RBL1: variants seen among roughly 807,000 people sequenced by gnomAD.
The protein encoded by RBL1 is RB transcriptional corepressor like 1.
A neutral mutation model predicts 123.0 loss-of-function variants in RBL1; 82 were observed. That is an observed-to-expected ratio of 0.67 (90% confidence interval 0.56 to 0.80). The LOEUF (loss-of-function observed/expected upper bound fraction) is 0.80, where lower values mean the gene tolerates loss of function less well. Ranked by LOEUF, RBL1 falls within the 30% of genes least tolerant of loss-of-function variation. RBL1 has a pLI of 0.00. For synonymous variants in RBL1, 405 were observed against 441.3 expected (o/e 0.92, Z 1.03); for missense variants, 1,171 against 1,299.6 (o/e 0.90, Z 1.52).
rs188162475 is a variant in RBL1, at chr20:36,999,838, G to T, written c.3037-909C>A. Among the ~76,000 whole-genome samples the T allele has an allele frequency of 7.2e-5, 11 of 151,906 alleles. 1 individual carries two copies. Among genetic ancestry groups the T allele is most frequent in the Admixed American group, 2.0e-4 (3 of 15,258 alleles). ...GAGTGCAGTGGCGTGATCTCGGCTC[G>T]CTACAACCTCCACTTCCCAGCTGCC... On this transcript the variant is annotated intron_variant, in intron 21 of 21. Coordinates refer to ENST00000373664, the MANE Select transcript of RBL1 (RefSeq NM_002895.5).
rs548189083 is a variant in RBL1, at chr20:36,999,702, C to T, written c.3037-773G>A. Among the ~76,000 whole-genome samples the T allele has an allele frequency of 1.1e-3, 169 of 152,346 alleles. 1 individual carries two copies. The highest frequency in any genetic ancestry group is 3.8e-3 in the Admixed American group (58 of 15,302). On this transcript the variant is annotated intron_variant, in intron 21 of 21. Transcript: ENST00000373664. ...GGAGATGGGGTTTCGCTGTGTTGGC[C>T]GGGCCGGTCTCCAGCTCCTAACCGC...
intron 17 of RBL1, among the ~76,000 whole-genome samples, chr20:37,021,448 CTTT>C (rs879272660): frequency 1.4e-5 from 2 of 143,140 alleles, no homozygotes. Flanking sequence ...TTTTTTAATT[CTTT>C]TTTTTTTTTT....
At chr20:37,094,925 G>T (rs1486510388) in intron 1 of RBL1, among the ~76,000 whole-genome samples, 2 of 152,114 alleles carry the variant, frequency 1.3e-5, no homozygotes, top group African/African-American at 4.8e-5. Context: ...GGCGTGAGCC[G>T]CCACGCCCAG....
At chr20:37,027,166 C>A (rs75948581) in intron 16 of RBL1, among the ~76,000 whole-genome samples, 1,928 of 150,256 alleles carry the variant, frequency 0.013, 16 homozygotes, top group Non-Finnish European at 0.021. Flanking sequence ...GGAAACACAG[C>A]GAGACTCCAT....
intron 19 of RBL1, among the ~76,000 whole-genome samples, chr20:37,012,662 G>A (rs1261331117): frequency 1.3e-5 from 2 of 150,858 alleles, no homozygotes; most frequent in South Asian, 2.1e-4. Context: ...GAGCGTCTCC[G>A]CCCGGCAGCC....
intron 19 of RBL1, among the ~76,000 whole-genome samples, chr20:37,013,075 G>A (rs951335406): frequency 5.3e-5 from 8 of 152,208 alleles, no homozygotes; most frequent in African/African-American, 9.6e-5. Flanking sequence ...CCACCACCCC[G>A]TCTGGGAGGT....
chr20:37,042,072 CAAAAAAAAAAA>C (rs71186100), intron 13 of RBL1, among the ~76,000 whole-genome samples: 4 of 87,046 alleles, frequency 4.6e-5, no homozygotes, highest in East Asian at 3.1e-4. Context: ...GACTTTGTCT[CAAAAAAAAAAA>C]AAAAAAAAGA....
At position 37,067,087 on chromosome 20, in the gene RBL1, G is replaced by A. The variant is rs768991073; in HGVS notation, c.591C>T (p.Asn197=). ...NFRMIGDDLV[N]SYHLLLCCLD... ...AGCAGCATAGAAGTAAATGATAAGA[G>A]TTTACTAAGTCATCCCCAATCATCC... Residue 197 remains asparagine (N), a synonymous_variant, in exon 5 of 22, where the codon AAC becomes AAT. Coordinates refer to ENST00000373664, the MANE Select transcript of RBL1 (RefSeq NM_002895.5). The A allele has an allele frequency of 5.0e-6, 8 of 1,586,770 alleles. No homozygotes were observed. Among genetic ancestry groups the A allele is most frequent in the South Asian group, 1.1e-5 (1 of 87,054 alleles).
intron 9 of RBL1, 131 bp downstream of exon 9, chr20:37,060,972 T>C: frequency 9.7e-7 from 1 of 1,026,378 alleles, no homozygotes; most frequent in African/African-American, 1.6e-5. Flanking sequence ...TATTTTGTGA[T>C]TGAAATGGTA....
rs370369966 is a variant in RBL1 at position 37,047,033 on chromosome 20, G to T, written c.1605+20C>A. Reference sequence around the variant, plus strand: ...GAAACACTGTTTTCATCTCATAACAGAACTTTGTTTTCATCTCACCTTATA... The same window carrying T: ...GAAACACTGTTTTCATCTCATAACATAACTTTGTTTTCATCTCACCTTATA... On this transcript the variant is annotated intron_variant, in intron 12 of 21. Transcript: ENST00000373664. 4.5e-5 allele frequency: 71 copies of T among 1,570,060 alleles called. No individual in the cohort carries two copies. The African/African-American group carries it at 8.9e-4, about 20-fold the overall frequency.
intron 14 of RBL1, among the ~76,000 whole-genome samples, chr20:37,038,834 C>G (rs1414116725): frequency 6.6e-6 from 1 of 151,532 alleles, no homozygotes; most frequent in Non-Finnish European, 1.5e-5. Flanking sequence ...AACTCCTGAC[C>G]TCAGGTGATC....
At chr20:37,010,758 CTA>C (rs36003402) in intron 19 of RBL1, among the ~76,000 whole-genome samples, 4,639 of 143,530 alleles carry the variant, frequency 0.032, 249 homozygotes, top group African/African-American at 0.13. Flanking sequence ...TGGCACATGA[CTA>C]TGTGTGTGTG....
chr20:37,038,136 T>A (rs1265070126), intron 14 of RBL1, among the ~76,000 whole-genome samples: 2 of 151,084 alleles, frequency 1.3e-5, no homozygotes, highest in African/African-American at 4.9e-5. Context: ...GGATTACAGG[T>A]GTACACCACC....
intron 19 of RBL1, among the ~76,000 whole-genome samples, chr20:37,012,326 TC>T (rs2064165773): frequency 7.0e-6 from 1 of 142,724 alleles, no homozygotes; most frequent in South Asian, 2.3e-4. Context: ...TGGCCGCCCA[TC>T]GTCTGGGATG....
chr20:37,037,195 G>T (rs1285850518), intron 14 of RBL1, among the ~76,000 whole-genome samples: 1 of 152,150 alleles, frequency 6.6e-6, no homozygotes, highest in African/African-American at 2.4e-5. Flanking sequence ...ATCTGACTAG[G>T]CATGTTTAAA....
chr20:37,028,627 C>T (rs754238466), intron 16 of RBL1, among the ~76,000 whole-genome samples: 50 of 152,298 alleles, frequency 3.3e-4, no homozygotes, highest in Non-Finnish European at 4.9e-4. Flanking sequence ...TGAGATCCAA[C>T]ATGTATTTGT....
intron 2 of RBL1, among the ~76,000 whole-genome samples, chr20:37,072,772 G>A (rs184844146): frequency 2.0e-5 from 3 of 152,260 alleles, no homozygotes; most frequent in South Asian, 2.1e-4. Context: ...CAATGTCCAG[G>A]GACAGCATTG....
chr20:37,090,226 T>G (rs1458420954), intron 1 of RBL1, among the ~76,000 whole-genome samples: 1 of 152,218 alleles, frequency 6.6e-6, no homozygotes, highest in Non-Finnish European at 1.5e-5. Flanking sequence ...CAACAGGCTA[T>G]ATTAAACAGC....
At chr20:37,018,439 A>C in intron 18 of RBL1, 70 bp from the exon 19 acceptor site, 1 of 1,515,864 alleles carries the variant, frequency 6.6e-7, no homozygotes, top group South Asian at 1.3e-5. Context: ...TCAAAGTGAG[A>C]AGAGCAAAAT....
Sources: allele counts gnomAD v4.1 joint callset (sites outside exome capture counted in the v4.1 genomes callset), GRCh38; gene constraint gnomAD v4.1.1; transcripts MANE v1.5; gene names NCBI Gene and HGNC (gene_info 2026-07-23, HGNC 2026-07-21).